The following LRBA variants were observed in gnomAD, a reference collection of about 807,000 sequenced individuals.
LRBA encodes the protein lipopolysaccharide-responsive and beige-like anchor protein.
LRBA carries 176 observed loss-of-function variants against 330.0 expected under a neutral mutation model. The ratio of observed to expected loss-of-function variants is 0.53; its 90% CI spans 0.47 to 0.60. The LOEUF (loss-of-function observed/expected upper bound fraction) is 0.60, where lower values mean the gene tolerates loss of function less well. Ranked by LOEUF, LRBA falls within the 20% of genes least tolerant of loss-of-function variation. The pLI, the probability that LRBA is intolerant of heterozygous loss-of-function variation, is 0.00. For missense variants in LRBA, 3,259 were observed against 3,444.8 expected, an observed-to-expected ratio of 0.95 and a Z score of 1.35; for synonymous variants, 1,230 against 1,193.0, an observed-to-expected ratio of 1.03 and a Z score of -0.64.
chr4:150,915,839 A>C, intron 7 of LRBA, 112 bp from the exon 8 acceptor site: 1 of 689,892 alleles, frequency 1.4e-6, no homozygotes, highest in Non-Finnish European at 2.1e-6. Flanking sequence ...TAAAAATAAA[A>C]CAAGACTACC....
chr4:150,731,652 T>C (rs1204736616), intron 36 of LRBA, among the ~76,000 whole-genome samples: 3 of 152,066 alleles, frequency 2.0e-5, no homozygotes, highest in African/African-American at 7.2e-5. Context: ...CAAAACAGTT[T>C]TACTCAGAGA....
upstream of LRBA, chr4:151,015,291 A>T (rs1745302569): frequency 6.5e-6 from 1 of 152,728 alleles, no homozygotes; most frequent in East Asian, 1.9e-4. Flanking sequence ...AGGCGGGGGA[A>T]GGGGGCGGTG....
At chr4:150,488,760 A>ATT (rs1758197225) in intron 41 of LRBA, among the ~76,000 whole-genome samples, 1 of 148,572 alleles carries the variant, frequency 6.7e-6, no homozygotes, top group East Asian at 1.9e-4. Flanking sequence ...TTAAAGCCAA[A>ATT]AAAAAAATAT....
At chr4:150,832,258 C>T (rs1460010465) in intron 28 of LRBA, among the ~76,000 whole-genome samples, 1 of 152,042 alleles carries the variant, frequency 6.6e-6, no homozygotes, top group Admixed American at 6.5e-5. Context: ...AGACGTATGT[C>T]CTAATATACA....
chr4:150,488,315 T>C (rs1312784206), intron 41 of LRBA, among the ~76,000 whole-genome samples: 2 of 151,732 alleles, frequency 1.3e-5, no homozygotes, highest in African/African-American at 4.8e-5. Context: ...ATCAGTTACA[T>C]TTATTTCCAA....
At chr4:150,898,929 T>C (rs1730420556) in intron 14 of LRBA, among the ~76,000 whole-genome samples, 1 of 152,226 alleles carries the variant, frequency 6.6e-6, no homozygotes, top group Non-Finnish European at 1.5e-5. Context: ...AAGCTTATTT[T>C]GAAAGTGATA....
At chr4:150,552,504 T>C (rs996620381) in intron 40 of LRBA, among the ~76,000 whole-genome samples, 2 of 151,882 alleles carry the variant, frequency 1.3e-5, no homozygotes, top group African/African-American at 2.4e-5. Flanking sequence ...ACAACAGGTG[T>C]TGGAGAGGAT....
intron 2 of LRBA, among the ~76,000 whole-genome samples, chr4:150,944,893 C>A (rs757967517): frequency 3.9e-5 from 6 of 152,176 alleles, no homozygotes; most frequent in Non-Finnish European, 5.9e-5. Context: ...GTGAATAAGT[C>A]TCACAAGATC....
chr4:150,626,573 A>G (rs1468642344), intron 37 of LRBA, among the ~76,000 whole-genome samples: 1 of 152,114 alleles, frequency 6.6e-6, no homozygotes, highest in East Asian at 1.9e-4. Context: ...AGAAAAAAAC[A>G]AAAAAGAAGA....
intron 37 of LRBA, among the ~76,000 whole-genome samples, chr4:150,639,469 C>T (rs1444403679): frequency 6.8e-6 from 1 of 146,678 alleles, no homozygotes; most frequent in Admixed American, 6.8e-5. Context: ...CTTTCTACCC[C>T]ACCCGTGGTA....
At chr4:150,311,215 A>G (rs548568567) in intron 51 of LRBA, 2 of 152,176 alleles carry the variant, frequency 1.3e-5, no homozygotes, top group Non-Finnish European at 2.9e-5. Context: ...CTTTTTTGGC[A>G]TTGAGGCCAA....
At chr4:150,799,273 T>C (rs1279745620) in intron 33 of LRBA, among the ~76,000 whole-genome samples, 2 of 152,218 alleles carry the variant, frequency 1.3e-5, no homozygotes, top group African/African-American at 4.8e-5. Context: ...GAAAATTAGC[T>C]ATAGAATGTC....
chr4:150,870,429 C>A (rs1579052991), intron 20 of LRBA, 96 bp downstream of exon 20: 1 of 736,450 alleles, frequency 1.4e-6, no homozygotes, highest in East Asian at 2.5e-5. Context: ...ATTCATCTAA[C>A]AATCTGTTTC....
At chr4:150,517,253 G>A (rs1342412922) in intron 40 of LRBA, among the ~76,000 whole-genome samples, 3 of 152,124 alleles carry the variant, frequency 2.0e-5, no homozygotes, top group African/African-American at 7.2e-5. Flanking sequence ...CAGGCACAGC[G>A]GCTCACACTT....
chr4:150,752,532 T>A lies in LRBA; in HGVS notation c.5645+9251A>T, dbSNP rs1408704393. 2.6e-5 allele frequency among the ~76,000 whole-genome samples: 4 copies of A among 152,242 alleles called. No individual in the cohort carries two copies. In the South Asian group the frequency reaches 6.2e-4, roughly 24 times the overall value. On this transcript the variant is annotated intron_variant, in intron 35 of 56. Transcript: ENST00000651943. ...CATACACATTTAAGGCCAGTCTAGA[T>A]CTTTCTCGGTTGAAATTTAGCCCAG...
intron 46 of LRBA, among the ~76,000 whole-genome samples, chr4:150,430,831 C>T (rs1228723303): frequency 6.6e-6 from 1 of 152,064 alleles, no homozygotes; most frequent in African/African-American, 2.4e-5. Context: ...ACTGGGATGA[C>T]ATTTATGATT....
At chr4:150,716,526 C>G (rs1728224130) in intron 36 of LRBA, among the ~76,000 whole-genome samples, 1 of 152,092 alleles carries the variant, frequency 6.6e-6, no homozygotes, top group Admixed American at 6.5e-5. Flanking sequence ...GATGTTCAAG[C>G]TAAACAATAA....
chr4:150,825,570 T>C lies in LRBA; in HGVS notation c.5171+2610A>G, dbSNP rs539690051. 3.0e-4 allele frequency among the ~76,000 whole-genome samples: 45 copies of C among 152,228 alleles called. 1 individual carries two copies. Among genetic ancestry groups the C allele is most frequent in the South Asian group, 1.0e-3 (5 of 4,816 alleles). On this transcript the variant is annotated intron_variant, in intron 30 of 56. Transcript: ENST00000651943. ...TTTTAGTAGAGGTGGGGTTTCACCA[T>C]GTTGGCCGGGCTGGTCTTGAACTGC...
At chr4:150,537,484 G>A (rs1201765042) in intron 40 of LRBA, among the ~76,000 whole-genome samples, 3 of 152,142 alleles carry the variant, frequency 2.0e-5, no homozygotes, top group African/African-American at 4.8e-5. Flanking sequence ...TGACAATTGA[G>A]ATCTAATTAA....
Sources: gnomAD v4.1 joint callset for allele counts (sites outside exome capture counted in the v4.1 genomes callset) on GRCh38, gnomAD v4.1.1 for gene constraint, MANE v1.5 for transcripts, NCBI Gene and HGNC (gene_info 2026-07-23, HGNC 2026-07-21) for gene names.